XPNPEP1: variants seen among roughly 807,000 people sequenced by gnomAD.
The protein encoded by XPNPEP1 is xaa-Pro aminopeptidase 1.
Under a neutral mutation model 92.4 loss-of-function variants are expected in XPNPEP1, and 39 were observed. The observed-to-expected ratio is 0.42, with a 90% CI of 0.33 to 0.55. The LOEUF (loss-of-function observed/expected upper bound fraction) is 0.55, where lower values mean the gene tolerates loss of function less well. Ranked by LOEUF, XPNPEP1 falls within the 20% of genes least tolerant of loss-of-function variation. The probability of loss-of-function intolerance (pLI) is 0.08; values close to 1 mark genes in which losing one functional copy is unlikely to be tolerated. For synonymous variants in XPNPEP1, 307 were observed against 299.4 expected (o/e 1.03, Z -0.26); for missense variants, 654 against 856.1 (o/e 0.76, Z 2.95).
At chr10:109,872,540 C>A (rs377753418) in intron 16 of XPNPEP1, among the ~76,000 whole-genome samples, 21 of 152,254 alleles carry the variant, frequency 1.4e-4, no homozygotes, top group African/African-American at 4.6e-4. Flanking sequence ...CCAAAAGAAT[C>A]CTAGACGCAA....
At position 109,867,423 on chromosome 10, in the gene XPNPEP1, G is replaced by A. The variant is rs929712989; in HGVS notation, c.1872+1191C>T. 2.6e-5 allele frequency among the ~76,000 whole-genome samples: 4 copies of A among 152,258 alleles called. No homozygotes were observed. Among genetic ancestry groups the A allele is most frequent in the Non-Finnish European group, 4.4e-5 (3 of 68,034 alleles). ...TATCAGCAAGGCCCATGTGGGTCCT[G>A]TGAGTGGGAATGTTTAGCTGAACCA... is the stretch of plus-strand genomic sequence containing the variant. On this transcript the variant is annotated intron_variant, in intron 20 of 20. Transcript: ENST00000502935. This position sits in a 1 kb window ranked among gnomAD's most constrained non-coding sequence, Gnocchi z 4.5.
At chr10:109,883,982 T>C in intron 9 of XPNPEP1, 85 bp downstream of exon 9, 2 of 1,207,372 alleles carry the variant, frequency 1.7e-6, no homozygotes, top group Non-Finnish European at 2.3e-6. Flanking sequence ...TATCAGGCAG[T>C]GATGGGTGGG....
intron 4 of XPNPEP1, among the ~76,000 whole-genome samples, chr10:109,892,180 C>T (rs557564270): frequency 5.3e-5 from 8 of 152,318 alleles, no homozygotes; most frequent in African/African-American, 1.9e-4. Flanking sequence ...ATGGTTCCTG[C>T]TCAGCAATTA....
At chr10:109,911,604 T>C (rs1403463577) in intron 2 of XPNPEP1, among the ~76,000 whole-genome samples, 1 of 152,170 alleles carries the variant, frequency 6.6e-6, no homozygotes, top group Non-Finnish European at 1.5e-5. Flanking sequence ...TCAGAATAGA[T>C]TTATTGTGTT....
rs1847273563 is a variant in XPNPEP1, at chr10:109,868,599, A to C, written c.1872+15T>G. On this transcript the variant is annotated intron_variant, in intron 20 of 20. Coordinates refer to ENST00000502935, the MANE Select transcript of XPNPEP1 (RefSeq NM_020383.4). ...CCCCTAGTAACATGCCTGCCCACCA[A>C]GACTTCCCCATTACCTCTTTGTCTG... 2 of 1,606,464 alleles carry C rather than the reference A, an allele frequency of 1.2e-6. No individual in the cohort carries two copies. Among genetic ancestry groups the C allele is most frequent in the African/African-American group, 2.7e-5 (2 of 74,688 alleles).
chr10:109,866,474 A>G (rs558416942), intron 20 of XPNPEP1, among the ~76,000 whole-genome samples: 1 of 152,348 alleles, frequency 6.6e-6, no homozygotes, highest in African/African-American at 2.4e-5. Context: ...AAAGCAGCCT[A>G]CTGTCCAAAG....
At chr10:109,886,593 G>C (rs751536914) in intron 7 of XPNPEP1, among the ~76,000 whole-genome samples, 2 of 152,210 alleles carry the variant, frequency 1.3e-5, no homozygotes, top group Non-Finnish European at 2.9e-5. Context: ...GTAACATCTA[G>C]ATCTGCCAGG....
chr10:109,904,624 T>C lies in XPNPEP1; in HGVS notation c.246+3067A>G, dbSNP rs545284292. The stretch of plus-strand genomic sequence containing the variant: ...ATGAAACTCATTGGGGCAAAGGACT[T>C]GAATAGACATTTTCTCCAAAGAAAA... On this transcript the variant is annotated intron_variant, in intron 3 of 20. Coordinates refer to ENST00000502935, the MANE Select transcript of XPNPEP1 (RefSeq NM_020383.4). Among the ~76,000 whole-genome samples the C allele has an allele frequency of 3.9e-3, 591 of 152,224 alleles. 3 individuals carry two copies. Among genetic ancestry groups the C allele is most frequent in the Non-Finnish European group, 7.0e-3 (479 of 68,020 alleles).
intron 7 of XPNPEP1, among the ~76,000 whole-genome samples, chr10:109,886,908 A>G (rs1053815284): frequency 6.6e-6 from 1 of 152,130 alleles, no homozygotes; most frequent in Non-Finnish European, 1.5e-5. Context: ...AGTCTGACTC[A>G]CTGTGATTAC....
chr10:109,884,064 C>CA lies in XPNPEP1; in HGVS notation c.830+2dup. 6.2e-7 allele frequency: 1 copy of CA among 1,612,966 alleles called. No individual in the cohort carries two copies. The highest frequency in any genetic ancestry group is 8.5e-7 in the Non-Finnish European group (1 of 1,179,430). On this transcript the variant is annotated splice_region_variant and intron_variant, in intron 9 of 20. Transcript: ENST00000502935. ...GAGTTCCAGATGCAGGGCAAACACT[C>CA]ACATGATCGTCTCTAGTCCTATGAT...
At chr10:109,904,812 G>A (rs1008883215) in intron 3 of XPNPEP1, among the ~76,000 whole-genome samples, 4 of 152,200 alleles carry the variant, frequency 2.6e-5, no homozygotes, top group African/African-American at 9.7e-5. Flanking sequence ...CCATTGGTGG[G>A]AATGCAAAAT....
Position 109,880,881 on chromosome 10 carries a change from C to T in XPNPEP1, c.1092G>A (p.Val364=), listed in dbSNP as rs1217652506. The change falls in exon 11 of 21, where the codon GTG becomes GTA. Residue 364 remains valine, a synonymous_variant. Transcript: ENST00000502935. ...TGCCTTCTGACTCAGCTGAATTCTT[C>T]ACAGCTTTGGCGATGCAGATGGGGG... is the stretch of plus-strand genomic sequence containing the variant. The part of the protein sequence containing the change: ...PYTPICIAKA[V]KNSAESEGMR... The T allele has an allele frequency of 1.2e-6, 2 of 1,614,090 alleles. No individual in the cohort carries two copies. The highest frequency in any genetic ancestry group is 2.2e-5 in the South Asian group (2 of 91,066).
Position 109,880,898 on chromosome 10 carries a change from A to T in XPNPEP1, c.1075T>A (p.Cys359Ser), listed in dbSNP as rs752364903. The T allele has an allele frequency of 4.3e-6, 7 of 1,613,958 alleles. No homozygotes were observed. The African/African-American group carries it at 9.3e-5, about 22-fold the overall frequency. Reference protein sequence around the residue: ...HRCCMPYTPICIAKAVKNSAE... With the variant: ...HRCCMPYTPISIAKAVKNSAE... ...GAATTCTTCACAGCTTTGGCGATGC[A>T]GATGGGGGTGTAAGGCATACAGCAG... Residue 359 changes from cysteine (C) to serine (S), a missense_variant, in exon 11 of 21, where the codon TGC becomes AGC. By Grantham distance (112) the Cys-to-Ser change is moderately radical. Transcript: ENST00000502935.
At chr10:109,866,334 G>T (rs1297418199) in intron 20 of XPNPEP1, among the ~76,000 whole-genome samples, 1 of 152,192 alleles carries the variant, frequency 6.6e-6, no homozygotes, top group African/African-American at 2.4e-5. Flanking sequence ...CTGTGACCCA[G>T]CCAGGGTTCC....
At chr10:109,919,059 A>G (rs1291079283) in intron 1 of XPNPEP1, among the ~76,000 whole-genome samples, 1 of 152,238 alleles carries the variant, frequency 6.6e-6, no homozygotes, top group Non-Finnish European at 1.5e-5. Context: ...CGCAACCATA[A>G]GTCTGCCTGA....
intron 1 of XPNPEP1, among the ~76,000 whole-genome samples, chr10:109,916,886 T>C (rs531969926): frequency 7.9e-5 from 12 of 152,178 alleles, no homozygotes; most frequent in Admixed American, 2.6e-4. Flanking sequence ...CTACATGGTC[T>C]TCTCAACAAA....
chr10:109,888,806 A>T (rs1286507275), intron 5 of XPNPEP1, among the ~76,000 whole-genome samples: 1 of 152,238 alleles, frequency 6.6e-6, no homozygotes, highest in Non-Finnish European at 1.5e-5. Flanking sequence ...TATGAAAAAC[A>T]TAAGACAAGG....
At chr10:109,913,314 C>T (rs372685596) in intron 2 of XPNPEP1, among the ~76,000 whole-genome samples, 1 of 152,216 alleles carries the variant, frequency 6.6e-6, no homozygotes, top group African/African-American at 2.4e-5. Context: ...CCATGCACAG[C>T]ATCTATTACA....
At chr10:109,890,640 T>C (rs1371077418) in intron 5 of XPNPEP1, among the ~76,000 whole-genome samples, 1 of 143,520 alleles carries the variant, frequency 7.0e-6, no homozygotes, top group African/African-American at 2.6e-5. Context: ...GAAAGAGAAA[T>C]CAACTGCAGC....
Sources: allele counts gnomAD v4.1 joint callset (sites outside exome capture counted in the v4.1 genomes callset), GRCh38; gene constraint gnomAD v4.1.1; non-coding constraint Gnocchi (gnomAD v3.1); transcripts MANE v1.5; gene names NCBI Gene and HGNC (gene_info 2026-07-23, HGNC 2026-07-21).